Variants in RAI14 observed in about 807,000 individuals in gnomAD.
The protein encoded by RAI14 is retinoic acid induced 14.
In RAI14, 45 loss-of-function variants were observed where a neutral mutation model predicts 115.4. The ratio of observed to expected loss-of-function variants is 0.39; its 90% CI spans 0.31 to 0.50. RAI14 has a LOEUF of 0.50. Among genes scored for constraint, RAI14 ranks in the 20% least tolerant of loss-of-function variants. The pLI is 0.85. For synonymous variants in RAI14, 371 were observed against 415.4 expected, an observed-to-expected ratio of 0.89 and a Z score of 1.30; for missense variants, 939 against 1,131.2, an observed-to-expected ratio of 0.83 and a Z score of 2.44.
chr5:34,718,925 G>T (rs1159132932), intron 2 of RAI14, among the ~76,000 whole-genome samples: 1 of 152,192 alleles, frequency 6.6e-6, no homozygotes, highest in East Asian at 1.9e-4. Context: ...TTCAAGACCA[G>T]TAATGCACAA....
intron 2 of RAI14, among the ~76,000 whole-genome samples, chr5:34,755,636 A>G (rs1178902716): frequency 6.6e-6 from 1 of 152,194 alleles, no homozygotes; most frequent in East Asian, 1.9e-4. Context: ...GTAGCACTCT[A>G]TAGACATAAC....
chr5:34,681,119 CT>C (rs1744350219), intron 1 of RAI14, among the ~76,000 whole-genome samples: 1 of 152,162 alleles, frequency 6.6e-6, no homozygotes, highest in South Asian at 2.1e-4. Flanking sequence ...GCGTGAGGTA[CT>C]GTGTTGTTAA....
rs534858549 is a variant in RAI14, at chr5:34,726,501, A to G, written c.37-30967A>G. Among the ~76,000 whole-genome samples, 37 of 152,296 alleles carry G rather than the reference A, an allele frequency of 2.4e-4. 1 individual carries two copies. The South Asian group carries it at 2.9e-3, about 12-fold the overall frequency. ...AGGGGGAAATCCGCCCCCATGATCC[A>G]ATGACCTCCCACCAGGTCCCTCCCC... is the stretch of plus-strand genomic sequence containing the variant. On this transcript the variant is annotated intron_variant, in intron 2 of 17. Coordinates refer to ENST00000265109, the MANE Select transcript of RAI14 (RefSeq NM_015577.3).
chr5:34,807,913 T>C, intron 6 of RAI14, 56 bp downstream of exon 6: 2 of 1,405,844 alleles, frequency 1.4e-6, no homozygotes, highest in Non-Finnish European at 2.0e-6. Context: ...CAACTTTTCT[T>C]TTTCCTTATT....
chr5:34,739,683 A>G (rs1273953977), intron 2 of RAI14, among the ~76,000 whole-genome samples: 1 of 152,146 alleles, frequency 6.6e-6, no homozygotes, highest in South Asian at 2.1e-4. Context: ...TTCCTCAGGC[A>G]AGCATTCATT....
intron 12 of RAI14, among the ~76,000 whole-genome samples, chr5:34,816,453 A>G (rs1756233638): frequency 6.6e-6 from 1 of 152,198 alleles, no homozygotes. Context: ...TTATTTTACA[A>G]ATGTTAGAAA....
At chr5:34,811,334 G>T (rs1039432486) in intron 8 of RAI14, among the ~76,000 whole-genome samples, 1 of 152,156 alleles carries the variant, frequency 6.6e-6, no homozygotes, top group Admixed American at 6.5e-5. Context: ...GGCTAAGTCT[G>T]TGAGGAGACT....
chr5:34,741,102 T>C (rs950617506), intron 2 of RAI14, among the ~76,000 whole-genome samples: 2 of 152,192 alleles, frequency 1.3e-5, no homozygotes, highest in African/African-American at 2.4e-5. Context: ...GTTTGGAGCA[T>C]TGTGGAACAT....
Position 34,827,184 on chromosome 5 carries a change from G to T in RAI14, c.2799+705G>T, listed in dbSNP as rs1757539167. On this transcript the variant is annotated intron_variant, in intron 16 of 17. Transcript: ENST00000265109. This position sits in a 1 kb window ranked among gnomAD's most constrained non-coding sequence, Gnocchi z 4.2. ...TTCGAGGCACATCACTCCAGCATCT[G>T]CTCAGTCTTCCCATCTCCTCCTTCA... Among the ~76,000 whole-genome samples the T allele has an allele frequency of 6.6e-6, 1 of 152,068 alleles. No homozygotes were observed.
At chr5:34,673,095 G>A (rs1056097340) in intron 1 of RAI14, among the ~76,000 whole-genome samples, 21 of 152,070 alleles carry the variant, frequency 1.4e-4, no homozygotes, top group African/African-American at 4.8e-4. Flanking sequence ...TATTTCTTGA[G>A]GGTTTAAAAA....
chr5:34,817,352 T>C (rs1416698382), intron 12 of RAI14, among the ~76,000 whole-genome samples: 1 of 151,722 alleles, frequency 6.6e-6, no homozygotes, highest in Non-Finnish European at 1.5e-5. Flanking sequence ...CAAGTGAGGA[T>C]TGAGGATGTT....
intron 2 of RAI14, among the ~76,000 whole-genome samples, chr5:34,745,915 A>G (rs888839370): frequency 6.6e-6 from 1 of 152,070 alleles, no homozygotes; most frequent in African/African-American, 2.4e-5. Context: ...TAAAACACCA[A>G]CAGTGACTTC....
intron 2 of RAI14, among the ~76,000 whole-genome samples, chr5:34,736,465 C>T (rs17593021): frequency 0.36 from 54,721 of 151,882 alleles, 10,593 homozygotes; most frequent in Non-Finnish European, 0.41. Context: ...CCCTAAATTT[C>T]CATAGTTATG....
intron 9 of RAI14, 105 bp from the exon 10 acceptor site, chr5:34,812,075 G>A: frequency 1.5e-6 from 2 of 1,309,244 alleles, no homozygotes; most frequent in South Asian, 2.7e-5. Context: ...AAAAAGGAGT[G>A]TTAAAAAATA....
In RAI14 at chr5:34,823,260, A is replaced by C; in HGVS notation, c.1418A>C (p.Glu473Ala). Reference protein sequence around the residue: ...RAELVCLNNTEISENSSDLSQ... With the variant: ...RAELVCLNNTAISENSSDLSQ... ...GAACTGGTATGCTTAAACAACACTG[A>C]GATTTCAGAGAACAGCTCTGACCTC... Residue 473 changes from glutamate (E) to alanine (A), a missense_variant, in exon 15 of 18, where the codon GAG (glutamate) becomes GCG (alanine). Coordinates refer to ENST00000265109, the MANE Select transcript of RAI14 (RefSeq NM_015577.3). This position sits in a 1 kb window ranked among gnomAD's most constrained non-coding sequence, Gnocchi z 4.5. 1 of 1,614,074 alleles carries C rather than the reference A, an allele frequency of 6.2e-7. No individual in the cohort carries two copies. The highest frequency in any genetic ancestry group is 8.5e-7 in the Non-Finnish European group (1 of 1,180,040).
chr5:34,757,386 G>C (rs2150091566), intron 2 of RAI14, 82 bp from the exon 3 acceptor site: 1 of 1,476,502 alleles, frequency 6.8e-7, no homozygotes, highest in Non-Finnish European at 9.4e-7. Context: ...GAGGGTGGGG[G>C]CTGCGAGGAC....
chr5:34,699,346 A>G (rs1739744201), intron 2 of RAI14, among the ~76,000 whole-genome samples: 1 of 152,184 alleles, frequency 6.6e-6, no homozygotes, highest in South Asian at 2.1e-4. Flanking sequence ...GGCTTAAACC[A>G]GAGGTCAGCA....
chr5:34,744,236 C>T (rs527322679), intron 2 of RAI14, among the ~76,000 whole-genome samples: 5 of 152,210 alleles, frequency 3.3e-5, no homozygotes, highest in Non-Finnish European at 7.3e-5. Flanking sequence ...ATGCGTACCT[C>T]CCTTTAAGCA....
rs1019745278 is a variant in RAI14 at position 34,791,341 on chromosome 5, G to A, written c.168-4598G>A. 2.0e-5 allele frequency among the ~76,000 whole-genome samples: 3 copies of A among 151,266 alleles called. No individual in the cohort carries two copies. Among genetic ancestry groups the A allele is most frequent in the Middle Eastern group, 3.2e-3 (1 of 312 alleles). ...AGGTGTATTCTTGAACCCTTTAAAC[G>A]GGTCTCTACTTTGGCCTAAGACCAT... On this transcript the variant is annotated intron_variant, in intron 3 of 17. Coordinates refer to ENST00000265109, the MANE Select transcript of RAI14 (RefSeq NM_015577.3). The surrounding 1 kb of genome is among the most constrained non-coding windows in gnomAD (Gnocchi z 5.4).
Sources: gnomAD v4.1 joint callset for allele counts (sites outside exome capture counted in the v4.1 genomes callset) on GRCh38, gnomAD v4.1.1 for gene constraint, Gnocchi (gnomAD v3.1) non-coding constraint, MANE v1.5 for transcripts, NCBI Gene and HGNC (gene_info 2026-07-23, HGNC 2026-07-21) for gene names.